PCDHA13: variants seen among roughly 807,000 people sequenced by gnomAD.
PCDHA13 encodes the protein protocadherin alpha-13.
In PCDHA13, 54 loss-of-function variants were observed where a neutral mutation model predicts 64.8. The ratio of observed to expected loss-of-function variants is 0.83; its 90% CI spans 0.67 to 1.04. PCDHA13 has a LOEUF of 1.04. Ranked by LOEUF, PCDHA13 falls within the 50% of genes least tolerant of loss-of-function variation. PCDHA13 has a pLI of 0.00. For missense variants in PCDHA13, 1,248 were observed against 1,254.3 expected (o/e 0.99, Z 0.08); for synonymous variants, 587 against 564.4 (o/e 1.04, Z -0.57).
intron 3 of PCDHA13, among the ~76,000 whole-genome samples, chr5:140,986,226 C>T (rs2097191326): frequency 6.6e-6 from 1 of 152,168 alleles, no homozygotes; most frequent in African/African-American, 2.4e-5. Context: ...TCTCTAGCCT[C>T]CCCTCTGTGT....
At position 140,979,295 on chromosome 5, in the gene PCDHA13, C is replaced by A. The variant is rs180999093; in HGVS notation, c.2453+288C>A. Among the ~76,000 whole-genome samples, 27 of 152,270 alleles carry A rather than the reference C, an allele frequency of 1.8e-4. 1 individual carries two copies. The highest frequency in any genetic ancestry group is 4.1e-4 in the African/African-American group (17 of 41,558). ...TTCTACAGGGAAGTAATTTCAACCT[C>A]CTTCATCCCTCTCTACCTATGCTTT... On this transcript the variant is annotated intron_variant, in intron 2 of 3. Coordinates refer to ENST00000289272, the MANE Select transcript of PCDHA13 (RefSeq NM_018904.3).
At chr5:140,948,856 ATATTACTTCGGGTTTACTTT>A (rs1364138889) in intron 1 of PCDHA13, among the ~76,000 whole-genome samples, 11 of 151,588 alleles carry the variant, frequency 7.3e-5, no homozygotes, top group African/African-American at 2.7e-4. Context: ...TTGCCTTCTT[ATATTACTTCGGGTTTACTTT>A]GCTCTCTTTT....
At chr5:140,976,666 A>G (rs1260651584) in intron 1 of PCDHA13, among the ~76,000 whole-genome samples, 4 of 152,188 alleles carry the variant, frequency 2.6e-5, no homozygotes, top group African/African-American at 9.6e-5. Flanking sequence ...CAAAGTTCAG[A>G]TGTCTCATTT....
chr5:140,906,010 C>T (rs1465949058), intron 1 of PCDHA13, among the ~76,000 whole-genome samples: 1 of 152,210 alleles, frequency 6.6e-6, no homozygotes, highest in Admixed American at 6.5e-5. Flanking sequence ...CTAAGCCAGT[C>T]TAATCTCTCC....
intron 2 of PCDHA13, among the ~76,000 whole-genome samples, chr5:140,981,563 G>A (rs2096938689): frequency 6.6e-6 from 1 of 152,110 alleles, no homozygotes; most frequent in African/African-American, 2.4e-5. Flanking sequence ...GACAGAGTGA[G>A]GCTTTGTCTC....
rs2091506714 is a variant in PCDHA13, at chr5:140,937,376, G to C, written c.2395-41573G>C. Reference sequence around the variant, plus strand: ...TATTATTTTATCTTAATGTTTATGTGTGTGTATGTGTATATAGGGGTATTG... The same window carrying C: ...TATTATTTTATCTTAATGTTTATGTCTGTGTATGTGTATATAGGGGTATTG... On this transcript the variant is annotated intron_variant, in intron 1 of 3. Coordinates refer to ENST00000289272, the MANE Select transcript of PCDHA13 (RefSeq NM_018904.3). Among the ~76,000 whole-genome samples, 4 of 152,084 alleles carry C rather than the reference G, an allele frequency of 2.6e-5. No homozygotes were observed. In the South Asian group the frequency reaches 8.3e-4, roughly 32 times the overall value.
intron 1 of PCDHA13, among the ~76,000 whole-genome samples, chr5:140,956,692 C>T (rs246012): frequency 0.56 from 85,656 of 151,960 alleles, 24,760 homozygotes; most frequent in African/African-American, 0.69. Context: ...CCTCCTTTTC[C>T]ATTGTTTGGA....
At chr5:140,921,367 T>C (rs1165325497) in intron 1 of PCDHA13, among the ~76,000 whole-genome samples, 1 of 152,182 alleles carries the variant, frequency 6.6e-6, no homozygotes, top group African/African-American at 2.4e-5. Context: ...TCAAGTTTCA[T>C]ATTTCTACAT....
chr5:140,934,868 G>A (rs2090080725), intron 1 of PCDHA13, among the ~76,000 whole-genome samples: 1 of 152,128 alleles, frequency 6.6e-6, no homozygotes, highest in African/African-American at 2.4e-5. Flanking sequence ...CTTTGTGAGT[G>A]TGTTTGTGTA....
At chr5:140,889,677 A>C (rs2062337974) in intron 1 of PCDHA13, among the ~76,000 whole-genome samples, 1 of 152,018 alleles carries the variant, frequency 6.6e-6, no homozygotes, top group Non-Finnish European at 1.5e-5. Flanking sequence ...TTTTATTTTA[A>C]ACCTTTTAGT....
intron 2 of PCDHA13, among the ~76,000 whole-genome samples, chr5:140,980,549 G>A (rs1382828581): frequency 1.3e-5 from 2 of 152,162 alleles, no homozygotes; most frequent in Non-Finnish European, 2.9e-5. Context: ...AGAATCGCTT[G>A]AACCCGGGAG....
intron 1 of PCDHA13, chr5:140,967,902 C>T: frequency 6.2e-7 from 1 of 1,614,192 alleles, no homozygotes; most frequent in East Asian, 2.2e-5. Flanking sequence ...GAGAATGCTA[C>T]ACCCAACACC....
chr5:140,926,972 C>T (rs782504064), intron 1 of PCDHA13: 1 of 1,609,464 alleles, frequency 6.2e-7, no homozygotes. Context: ...TACTCAGTGC[C>T]GGAGGAGACG....
intron 1 of PCDHA13, among the ~76,000 whole-genome samples, chr5:140,894,352 G>A (rs2064438357): frequency 6.6e-6 from 1 of 151,796 alleles, no homozygotes; most frequent in Admixed American, 6.6e-5. Context: ...TATTACTTCA[G>A]ATTTCTTCTT....
At chr5:140,938,930 A>T (rs2092272913) in intron 1 of PCDHA13, among the ~76,000 whole-genome samples, 1 of 152,066 alleles carries the variant, frequency 6.6e-6, no homozygotes, top group African/African-American at 2.4e-5. Flanking sequence ...ATTGGCTTTT[A>T]ACTTTCCATT....
intron 1 of PCDHA13, among the ~76,000 whole-genome samples, chr5:140,916,018 T>C (rs550604062): frequency 6.6e-6 from 1 of 152,254 alleles, no homozygotes; most frequent in East Asian, 1.9e-4. Flanking sequence ...ACAAAGTCTT[T>C]CCCATTCTTC....
intron 1 of PCDHA13, among the ~76,000 whole-genome samples, chr5:140,957,750 TGTTCATTATATATGTTAAGTAAAAACTAA>T (rs1477515057): frequency 6.6e-6 from 1 of 152,128 alleles, no homozygotes; most frequent in African/African-American, 2.4e-5. Context: ...CATGAAAGGA[TGTTCATTATATATGTTAAGTAAAAACTAA>T]GTTCATCATA....
chr5:140,999,091 T>G (rs1342614556), intron 3 of PCDHA13, among the ~76,000 whole-genome samples: 1 of 152,208 alleles, frequency 6.6e-6, no homozygotes, highest in South Asian at 2.1e-4. Flanking sequence ...TTCAGAGGGC[T>G]ATGGAGAGTA....
chr5:140,897,457 C>T (rs1173344812), intron 1 of PCDHA13, among the ~76,000 whole-genome samples: 11 of 151,186 alleles, frequency 7.3e-5, no homozygotes, highest in East Asian at 1.9e-4. Context: ...TTTGTCCTTG[C>T]GATAGTTTAC....
Sources: allele counts gnomAD v4.1 joint callset (sites outside exome capture counted in the v4.1 genomes callset), GRCh38; gene constraint gnomAD v4.1.1; transcripts MANE v1.5; gene names NCBI Gene and HGNC (gene_info 2026-07-23, HGNC 2026-07-21).